CNTNAP2: variants seen among roughly 807,000 people sequenced by gnomAD.
CNTNAP2 encodes contactin associated protein 2, also known as contactin-associated protein-like 2.
A neutral mutation model predicts 155.2 loss-of-function variants in CNTNAP2; 98 were observed. The ratio of observed to expected loss-of-function variants is 0.63; its 90% confidence interval spans 0.54 to 0.75. The LOEUF (loss-of-function observed/expected upper bound fraction) is 0.75. Among genes scored for constraint, CNTNAP2 ranks in the 30% least tolerant of loss-of-function variants. CNTNAP2 has a pLI of 0.00. For synonymous variants in CNTNAP2, 651 were observed against 631.2 expected, an observed-to-expected ratio of 1.03 and a Z score of -0.47; for missense variants, 1,727 against 1,688.1, an observed-to-expected ratio of 1.02 and a Z score of -0.40.
At chr7:148,074,387 T>C (rs1440897200) in intron 15 of CNTNAP2, among the ~76,000 whole-genome samples, 4 of 152,160 alleles carry the variant, frequency 2.6e-5, no homozygotes, top group African/African-American at 9.6e-5. Context: ...GAATACATAG[T>C]TGATATTAAA....
At chr7:146,807,140 T>G (rs1802982440) in intron 2 of CNTNAP2, among the ~76,000 whole-genome samples, 2 of 152,190 alleles carry the variant, frequency 1.3e-5, no homozygotes, top group African/African-American at 4.8e-5. Context: ...TTATAAAACA[T>G]TCAAGTTGAA....
intron 15 of CNTNAP2, among the ~76,000 whole-genome samples, chr7:148,001,151 G>T (rs1801889100): frequency 6.6e-6 from 1 of 152,202 alleles, no homozygotes; most frequent in South Asian, 2.1e-4. Context: ...CACACTCTGA[G>T]GTTCTGGGTG....
chr7:148,049,470 A>G (rs1415653051), intron 15 of CNTNAP2, among the ~76,000 whole-genome samples: 1 of 152,208 alleles, frequency 6.6e-6, no homozygotes, highest in Non-Finnish European at 1.5e-5. Flanking sequence ...AAATTTGGAT[A>G]TAAGAAAAAT....
chr7:148,064,945 T>C (rs1803226189), intron 15 of CNTNAP2, among the ~76,000 whole-genome samples: 1 of 152,034 alleles, frequency 6.6e-6, no homozygotes. Flanking sequence ...AACTTTCCTC[T>C]TAGCACCAAC....
intron 21 of CNTNAP2, among the ~76,000 whole-genome samples, chr7:148,273,350 A>G (rs1796816203): frequency 6.6e-6 from 1 of 152,222 alleles, no homozygotes; most frequent in Non-Finnish European, 1.5e-5. Context: ...TCCTTGATAT[A>G]AAACACTGTT....
chr7:147,627,313 A>G (rs1275033969), intron 12 of CNTNAP2, among the ~76,000 whole-genome samples: 1 of 152,216 alleles, frequency 6.6e-6, no homozygotes, highest in Non-Finnish European at 1.5e-5. Flanking sequence ...ATCCAAACCA[A>G]AAAGAAATCT....
Position 148,301,306 on chromosome 7 carries a change from A to AATATATATAT in CNTNAP2, c.3475+34188_3475+34197dup, listed in dbSNP as rs1554414673. On this transcript the variant is annotated intron_variant, in intron 21 of 23. Coordinates refer to ENST00000361727, the MANE Select transcript of CNTNAP2 (RefSeq NM_014141.6). The stretch of plus-strand genomic sequence containing the variant: ...GAGACTCCGTCTAAAAAAAAAAAAA[A>AATATATATAT]ATATATATATATATATAGGTTAAAA... Among the ~76,000 whole-genome samples the AATATATATAT allele has an allele frequency of 2.2e-4, 23 of 103,848 alleles. 1 individual carries two copies. Among genetic ancestry groups the AATATATATAT allele is most frequent in the African/African-American group, 4.1e-4 (11 of 26,570 alleles). 68.1% of individuals were successfully genotyped at this position (103,848 alleles called of 152,430 possible).
chr7:146,333,688 T>C (rs1801222759), intron 1 of CNTNAP2, among the ~76,000 whole-genome samples: 1 of 152,364 alleles, frequency 6.6e-6, no homozygotes, highest in East Asian at 1.9e-4. Flanking sequence ...CCTAAAGGTG[T>C]CATGGCTCAA....
At position 146,283,623 on chromosome 7, in the gene CNTNAP2, G is replaced by A. The variant is rs150948067; in HGVS notation, c.97+166650G>A. ...TTTAGGAATTGATTCTCAAAGTAAA[G>A]GTGCTAGCAGGATATGGAAAATGAA... On this transcript the variant is annotated intron_variant, in intron 1 of 23. Coordinates refer to ENST00000361727, the MANE Select transcript of CNTNAP2 (RefSeq NM_014141.6). 2.0e-5 allele frequency among the ~76,000 whole-genome samples: 3 copies of A among 152,158 alleles called. No individual in the cohort carries two copies. The East Asian group carries it at 5.8e-4, about 29-fold the overall frequency.
At chr7:147,040,451 ATTTTTTTTTTT>A (rs34880534) in intron 3 of CNTNAP2, among the ~76,000 whole-genome samples, 1 of 80,830 alleles carries the variant, frequency 1.2e-5, no homozygotes, top group Admixed American at 1.3e-4. Flanking sequence ...TTAAGAGTGA[ATTTTTTTTTTT>A]TTTTTTTTTT....
chr7:148,368,403 A>G (rs1267475923), intron 21 of CNTNAP2, among the ~76,000 whole-genome samples: 1 of 152,204 alleles, frequency 6.6e-6, no homozygotes, highest in Admixed American at 6.5e-5. Flanking sequence ...GTCTCCAGGC[A>G]TCTGGATAAT....
chr7:148,303,394 G>C (rs1478098073), intron 21 of CNTNAP2, among the ~76,000 whole-genome samples: 4 of 152,138 alleles, frequency 2.6e-5, no homozygotes, highest in Non-Finnish European at 2.9e-5. Context: ...ACGGGTAGGT[G>C]GACAGCCAAC....
At chr7:147,030,052 T>C (rs1798999362) in intron 3 of CNTNAP2, among the ~76,000 whole-genome samples, 1 of 152,198 alleles carries the variant, frequency 6.6e-6, no homozygotes, top group Non-Finnish European at 1.5e-5. Flanking sequence ...CTGAGGGCAG[T>C]ATAATCTATC....
At chr7:146,265,471 T>G (rs1268675772) in intron 1 of CNTNAP2, among the ~76,000 whole-genome samples, 3 of 150,804 alleles carry the variant, frequency 2.0e-5, no homozygotes, top group Non-Finnish European at 4.4e-5. Context: ...TTTTTTTTTT[T>G]CCTTGAGACA....
At chr7:147,919,459 C>CTTTCTTTCTTTTTTTTTTTTTTTTTTTT (rs58537091) in intron 14 of CNTNAP2, among the ~76,000 whole-genome samples, 8 of 51,230 alleles carry the variant, frequency 1.6e-4, no homozygotes, top group African/African-American at 7.5e-4. Context: ...CTTTTTCTTT[C>CTTTCTTTCTTTTTTTTTTTTTTTTTTTT]TTTTTTTTTT....
At chr7:146,907,036 G>T (rs201176908) in intron 3 of CNTNAP2, among the ~76,000 whole-genome samples, 2 of 150,772 alleles carry the variant, frequency 1.3e-5, no homozygotes, top group Non-Finnish European at 1.5e-5. Context: ...GCGATCAACC[G>T]GAAGAAAGGG....
intron 1 of CNTNAP2, among the ~76,000 whole-genome samples, chr7:146,525,567 T>TCTAA (rs71853543): frequency 7.1e-6 from 1 of 141,122 alleles, no homozygotes; most frequent in Non-Finnish European, 1.5e-5. Context: ...TATCTATCTA[T>TCTAA]CTATCTATCT....
At position 146,195,922 on chromosome 7, in the gene CNTNAP2, A is replaced by T. The variant is rs147144938; in HGVS notation, c.97+78949A>T. ...TGTAAGTCAAACTCCCTTCATGACC[A>T]CTTCCATCATGATGGTGTGAATCTC... is the stretch of plus-strand genomic sequence containing the variant. On this transcript the variant is annotated intron_variant, in intron 1 of 23. Coordinates refer to ENST00000361727, the MANE Select transcript of CNTNAP2 (RefSeq NM_014141.6). Among the ~76,000 whole-genome samples, 51 of 152,268 alleles carry T rather than the reference A, an allele frequency of 3.3e-4. No individual in the cohort carries two copies. In the East Asian group the frequency reaches 9.9e-3, roughly 29 times the overall value.
chr7:146,153,505 A>G (rs1481143105), intron 1 of CNTNAP2, among the ~76,000 whole-genome samples: 2 of 152,180 alleles, frequency 1.3e-5, no homozygotes, highest in Non-Finnish European at 2.9e-5. Flanking sequence ...AAATGGGTGG[A>G]TCACGTAGAA....
Sources: gnomAD v4.1 joint callset for allele counts (sites outside exome capture counted in the v4.1 genomes callset) on GRCh38, gnomAD v4.1.1 for gene constraint, MANE v1.5 for transcripts, NCBI Gene and HGNC (gene_info 2026-07-23, HGNC 2026-07-21) for gene names.